Variants in CSMD3 observed in about 807,000 individuals in gnomAD.
CSMD3 encodes the protein CUB and Sushi multiple domains 3.
A neutral mutation model predicts 435.2 loss-of-function variants in CSMD3; 177 were observed. The observed-to-expected ratio is 0.41, with a 90% confidence interval of 0.36 to 0.46. The LOEUF (loss-of-function observed/expected upper bound fraction) is 0.46, where lower values mean the gene tolerates loss of function less well. Among genes scored for constraint, CSMD3 ranks in the 20% least tolerant of loss-of-function variants. CSMD3 has a pLI of 0.34. For missense variants in CSMD3, 4,265 were observed against 4,504.6 expected, an observed-to-expected ratio of 0.95 and a Z score of 1.52; for synonymous variants, 1,656 against 1,520.5, an observed-to-expected ratio of 1.09 and a Z score of -2.07.
At chr8:113,380,793 T>G (rs1285045493) in intron 1 of CSMD3, among the ~76,000 whole-genome samples, 2 of 152,236 alleles carry the variant, frequency 1.3e-5, no homozygotes, top group African/African-American at 4.8e-5. Flanking sequence ...TATAGTCTCC[T>G]GCTGTCTTTG....
intron 1 of CSMD3, among the ~76,000 whole-genome samples, chr8:113,396,486 A>G (rs1256634837): frequency 6.6e-6 from 1 of 152,188 alleles, no homozygotes; most frequent in Non-Finnish European, 1.5e-5. Context: ...CCACTCTAGT[A>G]TAGAGGATGT....
chr8:112,717,525 C>G (rs1050364555), intron 13 of CSMD3, among the ~76,000 whole-genome samples: 1 of 152,076 alleles, frequency 6.6e-6, no homozygotes, highest in Non-Finnish European at 1.5e-5. Context: ...GGATCTAGAA[C>G]CAGAAATACC....
intron 5 of CSMD3, among the ~76,000 whole-genome samples, chr8:113,021,022 T>C (rs758657139): frequency 1.3e-5 from 2 of 152,212 alleles, no homozygotes; most frequent in Non-Finnish European, 2.9e-5. Context: ...TATTATTGTG[T>C]CTACTGGTGT....
intron 1 of CSMD3, chr8:113,376,836 C>T: frequency 6.2e-7 from 1 of 1,613,378 alleles, no homozygotes; most frequent in East Asian, 2.2e-5. Context: ...TGAGTCGCAA[C>T]AACCGGCCAC....
At chr8:112,826,615 C>T (rs977424001) in intron 12 of CSMD3, among the ~76,000 whole-genome samples, 1 of 152,200 alleles carries the variant, frequency 6.6e-6, no homozygotes, top group Non-Finnish European at 1.5e-5. Flanking sequence ...TGCTGCACCA[C>T]ACTGCTCTTT....
chr8:112,473,394 G>C (rs1818718614), intron 31 of CSMD3, among the ~76,000 whole-genome samples: 2 of 152,094 alleles, frequency 1.3e-5, no homozygotes, highest in African/African-American at 4.8e-5. Flanking sequence ...GAGATAAATG[G>C]AGATTTAGTA....
chr8:112,241,989 T>C (rs1294113753), intron 65 of CSMD3, among the ~76,000 whole-genome samples: 1 of 152,066 alleles, frequency 6.6e-6, no homozygotes, highest in South Asian at 2.1e-4. Flanking sequence ...CAACTAATGA[T>C]TTCAATAATT....
In CSMD3 at chr8:112,301,868, A is replaced by C. The variant is rs746231769; in HGVS notation, c.8365T>G (p.Phe2789Val). The part of the protein sequence containing the change: ...STAIFTCDLG[F>V]MLVGSAVREC... ...CTTACAGCAGAGCCCACAAGCATGA[A>C]TCCCAAGTCGCAGGTAAAGATAGCT... Residue 2789 changes from phenylalanine (F) to valine (V), a missense_variant, in exon 53 of 71, where the codon TTC (phenylalanine) becomes GTC (valine). Transcript: ENST00000297405. The C allele has an allele frequency of 2.5e-6, 4 of 1,613,906 alleles. No individual in the cohort carries two copies. In the South Asian group the frequency reaches 4.4e-5, roughly 18 times the overall value.
At chr8:112,563,420 T>C (rs910512085) in intron 24 of CSMD3, among the ~76,000 whole-genome samples, 19 of 151,602 alleles carry the variant, frequency 1.3e-4, no homozygotes, top group African/African-American at 4.4e-4. Flanking sequence ...TTTTTTTTAA[T>C]GGCAGATGCT....
At chr8:112,991,690 T>C (rs1004522516) in intron 6 of CSMD3, among the ~76,000 whole-genome samples, 2 of 151,832 alleles carry the variant, frequency 1.3e-5, no homozygotes, top group African/African-American at 4.8e-5. Flanking sequence ...CTGAAGTGTG[T>C]TGTGTAGAAA....
chr8:112,537,193 T>A (rs1221436463), intron 27 of CSMD3, among the ~76,000 whole-genome samples: 1 of 151,446 alleles, frequency 6.6e-6, no homozygotes. Context: ...AAAAAAAGAT[T>A]TCTTGAAAAA....
intron 58 of CSMD3, among the ~76,000 whole-genome samples, chr8:112,284,560 C>T (rs1586651252): frequency 1.4e-5 from 2 of 141,486 alleles, no homozygotes; most frequent in Non-Finnish European, 3.0e-5. Context: ...TGGCCTATAT[C>T]GTAATATTTT....
chr8:113,204,850 A>G (rs769750597), intron 3 of CSMD3, among the ~76,000 whole-genome samples: 8 of 152,144 alleles, frequency 5.3e-5, no homozygotes, highest in Admixed American at 1.3e-4. Flanking sequence ...TTTACAAAAG[A>G]AAGACGTTTA....
intron 24 of CSMD3, among the ~76,000 whole-genome samples, chr8:112,572,842 G>T (rs1286236015): frequency 6.6e-6 from 1 of 151,872 alleles, no homozygotes; most frequent in Non-Finnish European, 1.5e-5. Flanking sequence ...ATTTTTCATT[G>T]GTGTAACTAG....
chr8:113,128,452 A>G (rs2091198868), intron 4 of CSMD3, among the ~76,000 whole-genome samples: 1 of 152,030 alleles, frequency 6.6e-6, no homozygotes, highest in Admixed American at 6.6e-5. Flanking sequence ...AGAGATAGAA[A>G]ATAAAATTTG....
chr8:112,235,089 A>G (rs1005769538), intron 67 of CSMD3, among the ~76,000 whole-genome samples: 1 of 152,142 alleles, frequency 6.6e-6, no homozygotes, highest in African/African-American at 2.4e-5. Flanking sequence ...TGGAGGGCCA[A>G]GCATGGTGGC....
chr8:112,662,656 A>G (rs894706058), intron 17 of CSMD3, among the ~76,000 whole-genome samples: 1 of 152,220 alleles, frequency 6.6e-6, no homozygotes, highest in Non-Finnish European at 1.5e-5. Flanking sequence ...TGGCAACAAA[A>G]GCCAAAACTG....
At chr8:112,241,538 A>C (rs1381508127) in intron 66 of CSMD3, among the ~76,000 whole-genome samples, 182 bp downstream of exon 66, 1 of 152,106 alleles carries the variant, frequency 6.6e-6, no homozygotes, top group African/African-American at 2.4e-5. Context: ...ATACTTTTGG[A>C]ATACTAACAT....
rs550801559 is a variant in CSMD3, at chr8:113,094,838, G to A, written c.917+3918C>T. Among the ~76,000 whole-genome samples the A allele has an allele frequency of 5.3e-4, 81 of 152,184 alleles. 1 individual carries two copies. The highest frequency in any genetic ancestry group is 6.8e-3 in the Middle Eastern group (2 of 294). On this transcript the variant is annotated intron_variant, in intron 5 of 70. Coordinates refer to ENST00000297405, the MANE Select transcript of CSMD3 (RefSeq NM_198123.2). ...TGTAATCCCAGCACTTTGGGAGGCC[G>A]AGGACGGTAGATCACGAGGTCAGGA...
Sources: allele counts gnomAD v4.1 joint callset (sites outside exome capture counted in the v4.1 genomes callset), GRCh38; gene constraint gnomAD v4.1.1; transcripts MANE v1.5; gene names NCBI Gene and HGNC (gene_info 2026-07-23, HGNC 2026-07-21).